RBL1: variants seen among roughly 807,000 people sequenced by gnomAD.
RBL1 encodes the protein retinoblastoma-like protein 1.
Under a neutral mutation model 123.0 loss-of-function variants are expected in RBL1, and 82 were observed. The observed-to-expected ratio is 0.67, with a 90% CI of 0.56 to 0.80. The LOEUF is 0.80. Ranked by LOEUF, RBL1 falls within the 30% of genes least tolerant of loss-of-function variation. RBL1 has a pLI of 0.00. For missense variants in RBL1, 1,171 were observed against 1,299.6 expected (o/e 0.90, Z 1.52); for synonymous variants, 405 against 441.3 (o/e 0.92, Z 1.03).
Position 37,003,769 on chromosome 20 carries a change from T to C in RBL1, c.2969A>G (p.His990Arg). 1 of 1,614,038 alleles carries C rather than the reference T, an allele frequency of 6.2e-7. No homozygotes were observed. Among genetic ancestry groups the C allele is most frequent in the African/African-American group, 1.3e-5 (1 of 75,044 alleles). Reference sequence around the variant, plus strand: ...TGGTGTAAGGCCTGACCCATTCTTGTGCGGGGAAATATAAATGGAGTGCTG... The same window carrying C: ...TGGTGTAAGGCCTGACCCATTCTTGCGCGGGGAAATATAAATGGAGTGCTG... ...SQQHSIYISPHKNGSGLTPRS... is the reference protein window; with the variant it reads ...SQQHSIYISPRKNGSGLTPRS... Residue 990 changes from histidine to arginine, a missense_variant, in exon 21 of 22, where the codon CAC (histidine) becomes CGC (arginine). His to Arg is a conservative substitution (Grantham distance 29). Coordinates refer to ENST00000373664, the MANE Select transcript of RBL1 (RefSeq NM_002895.5).
chr20:37,068,650 A>G (rs2065223565), intron 2 of RBL1, among the ~76,000 whole-genome samples: 2 of 152,158 alleles, frequency 1.3e-5, no homozygotes, highest in Non-Finnish European at 2.9e-5. Context: ...GAGAGCACCT[A>G]TCTACTTCCT....
intron 2 of RBL1, among the ~76,000 whole-genome samples, chr20:37,085,113 G>A (rs190474535): frequency 1.4e-5 from 2 of 147,612 alleles, no homozygotes; most frequent in Non-Finnish European, 3.0e-5. Flanking sequence ...GCCAAAAGGA[G>A]ACGTTTTTCT....
chr20:37,073,584 G>C (rs1341938404), intron 2 of RBL1, among the ~76,000 whole-genome samples: 1 of 150,910 alleles, frequency 6.6e-6, no homozygotes, highest in Non-Finnish European at 1.5e-5. Context: ...TATAGTCCCA[G>C]CTACTCAAGA....
At chr20:37,018,965 A>G (rs2064299390) in intron 18 of RBL1, among the ~76,000 whole-genome samples, 2 of 152,164 alleles carry the variant, frequency 1.3e-5, no homozygotes. Context: ...AACAAAATAA[A>G]ACAAACAAAC....
Position 37,065,464 on chromosome 20 carries a change from CT to C in RBL1, c.855del (p.Gly286GlufsTer17). On this transcript the variant is annotated frameshift_variant, in exon 7 of 22. Coordinates refer to ENST00000373664, the MANE Select transcript of RBL1 (RefSeq NM_002895.5). LOFTEE classifies it high-confidence loss of function. ...CTTGAAAGGTCCAGGAGGCATTCTC[CT>C]TTTAATATCTGTGAACAAAAAATTA... The part of the protein sequence containing the change: ...ISKLFDRKIL[K>X]GECLLDLSSF... 4 of 1,594,740 alleles carry C rather than the reference CT, an allele frequency of 2.5e-6. No individual in the cohort carries two copies. The highest frequency in any genetic ancestry group is 2.6e-6 in the Non-Finnish European group (3 of 1,166,958).
At chr20:37,049,334 G>T in intron 11 of RBL1, 2 of 673,572 alleles carry the variant, frequency 3.0e-6, no homozygotes, top group South Asian at 3.4e-5. Context: ...AAAATGTAAA[G>T]ACCAAGATCC....
intron 19 of RBL1, among the ~76,000 whole-genome samples, chr20:37,013,596 A>G (rs895021650): frequency 6.6e-6 from 1 of 151,812 alleles, no homozygotes; most frequent in African/African-American, 2.4e-5. Context: ...AAAAAAAAAA[A>G]AAAAAAAAAT....
chr20:37,020,191 C>T (rs537828179), intron 18 of RBL1, among the ~76,000 whole-genome samples: 30 of 150,748 alleles, frequency 2.0e-4, no homozygotes, highest in African/African-American at 6.8e-4. Context: ...TGGGCTCAAT[C>T]AATTCTCCTG....
chr20:37,039,562 G>T (rs1168681903), intron 14 of RBL1, among the ~76,000 whole-genome samples: 1 of 152,192 alleles, frequency 6.6e-6, no homozygotes, highest in Non-Finnish European at 1.5e-5. Context: ...CTGCTGCCAT[G>T]TAAGATGTGC....
intron 2 of RBL1, among the ~76,000 whole-genome samples, chr20:37,073,534 C>CA (rs1194493561): frequency 6.7e-6 from 1 of 149,084 alleles, no homozygotes; most frequent in East Asian, 2.0e-4. Flanking sequence ...CTCATGTCTA[C>CA]AAAAAACTTA....
At chr20:36,999,909 G>A (rs1238721791) in intron 21 of RBL1, among the ~76,000 whole-genome samples, 19 of 151,998 alleles carry the variant, frequency 1.3e-4, no homozygotes, top group African/African-American at 3.1e-4. Flanking sequence ...CTGCCCGGCC[G>A]CCACCCCGTC....
intron 19 of RBL1, among the ~76,000 whole-genome samples, chr20:37,012,687 G>T (rs2064178289): frequency 6.6e-6 from 1 of 151,830 alleles, no homozygotes; most frequent in African/African-American, 2.4e-5. Context: ...CGTCCGGGAG[G>T]GAGGTGGGGG....
At chr20:37,086,151 C>G (rs2146332247) in intron 2 of RBL1, among the ~76,000 whole-genome samples, 1 of 151,680 alleles carries the variant, frequency 6.6e-6, no homozygotes, top group Non-Finnish European at 1.5e-5. Flanking sequence ...ATTATATGAA[C>G]AATGACAAAC....
At chr20:37,000,899 G>A (rs2063964564) in intron 21 of RBL1, among the ~76,000 whole-genome samples, 1 of 143,338 alleles carries the variant, frequency 7.0e-6, no homozygotes, top group Non-Finnish European at 1.5e-5. Context: ...AGGGAGGTGG[G>A]GGGGTCAGCC....
intron 12 of RBL1, among the ~76,000 whole-genome samples, chr20:37,045,848 T>C (rs1005006316): frequency 3.3e-5 from 5 of 152,208 alleles, no homozygotes; most frequent in African/African-American, 1.2e-4. Context: ...ATACTTTAGG[T>C]ATAAAAATTT....
In RBL1 at chr20:37,000,565, C is replaced by T. The variant is rs1328291249; in HGVS notation, c.3037-1636G>A. Reference sequence around the variant, plus strand: ...CTGGGAAGTGAGGAGCCCCTCTGCCCGGCCAGCCGCCCCGTCCAGGAAGGA... The same window carrying T: ...CTGGGAAGTGAGGAGCCCCTCTGCCTGGCCAGCCGCCCCGTCCAGGAAGGA... On this transcript the variant is annotated intron_variant, in intron 21 of 21. Transcript: ENST00000373664. Among the ~76,000 whole-genome samples the T allele has an allele frequency of 1.3e-3, 175 of 132,242 alleles. No homozygotes were observed. The East Asian group carries it at 0.018, about 13-fold the overall frequency. The allele number at this position is 132,242 out of a possible 152,430, so 86.8% of individuals were successfully genotyped here.
chr20:37,054,685 C>G (rs1434783478), intron 11 of RBL1, among the ~76,000 whole-genome samples: 1 of 151,590 alleles, frequency 6.6e-6, no homozygotes, highest in Non-Finnish European at 1.5e-5. Context: ...CAAAAATTAG[C>G]CAGGCGTGGT....
intron 12 of RBL1, 147 bp downstream of exon 12, chr20:37,046,906 C>A: frequency 8.1e-7 from 1 of 1,236,530 alleles, no homozygotes; most frequent in Non-Finnish European, 1.0e-6. Flanking sequence ...AGCCACCATG[C>A]CTAGCCAGGA....
chr20:37,029,032 G>T (rs757795790), intron 16 of RBL1, among the ~76,000 whole-genome samples: 1 of 152,002 alleles, frequency 6.6e-6, no homozygotes, highest in Non-Finnish European at 1.5e-5. Context: ...ATTTTTAGAA[G>T]GTAAGGATAA....
Sources: allele counts gnomAD v4.1 joint callset (sites outside exome capture counted in the v4.1 genomes callset), GRCh38; gene constraint gnomAD v4.1.1; transcripts MANE v1.5; gene names NCBI Gene and HGNC (gene_info 2026-07-23, HGNC 2026-07-21).